Variants in PLCZ1 observed in about 807,000 individuals in gnomAD.
PLCZ1 encodes 1-phosphatidylinositol 4,5-bisphosphate phosphodiesterase zeta-1.
Under a neutral mutation model 76.8 loss-of-function variants are expected in PLCZ1, and 64 were observed. That is an observed-to-expected ratio of 0.83 (90% CI 0.68 to 1.03). PLCZ1 has a LOEUF of 1.03. PLCZ1 is among the 50% of genes least tolerant of loss of function. The probability of loss-of-function intolerance (pLI) is 0.00; values close to 1 mark genes in which losing one functional copy is unlikely to be tolerated. For synonymous variants in PLCZ1, 248 were observed against 230.8 expected (o/e 1.07, Z -0.68); for missense variants, 751 against 713.7 (o/e 1.05, Z -0.60).
At chr12:18,723,622 T>C (rs1958583780) in intron 3 of PLCZ1, 80 bp from the exon 4 acceptor site, 1 of 1,063,644 alleles carries the variant, frequency 9.4e-7, no homozygotes, top group Non-Finnish European at 1.4e-6. Flanking sequence ...TTATGTAACA[T>C]GTAGTAATTT....
intron 14 of PLCZ1, chr12:18,683,542 A>G (rs1450333071): frequency 3.3e-6 from 5 of 1,505,688 alleles, no homozygotes; most frequent in Admixed American, 2.0e-5. Context: ...CACAGCTCAT[A>G]CTTCTCCTTC....
chr12:18,657,778 T>A, the PLCZ1 span, among the ~76,000 whole-genome samples: 6 of 152,042 alleles, frequency 3.9e-5, no homozygotes, highest in African/African-American at 1.2e-4. Context: ...CAACAAAAAA[T>A]TGTGAAGTGT....
At position 18,719,651 on chromosome 12, in the gene PLCZ1, A is replaced by G. The variant is rs73346953; in HGVS notation, c.368-19T>C. Reference sequence around the variant, plus strand: ...TTCCTAACTAAAAAAATAAAATAAAATAAGTTAAAAGGATGCAAAAATACC... The same window carrying G: ...TTCCTAACTAAAAAAATAAAATAAAGTAAGTTAAAAGGATGCAAAAATACC... On this transcript the variant is annotated intron_variant, in intron 4 of 14. Coordinates refer to ENST00000266505, the MANE Select transcript of PLCZ1 (RefSeq NM_033123.4). The G allele has an allele frequency of 3.6e-3, 5,480 of 1,535,118 alleles. 154 individuals carry two copies. In the African/African-American group the frequency reaches 0.066, roughly 19 times the overall value.
chr12:18,736,263 T>C lies in PLCZ1; in HGVS notation c.93A>G (p.Leu31=). The change falls in exon 3 of 15, where the codon TTA becomes TTG. Residue 31 remains leucine, a synonymous_variant. Coordinates refer to ENST00000266505, the MANE Select transcript of PLCZ1 (RefSeq NM_033123.4). ...LEKTQRLLEK[L]DIRCSYIHVK... ...CATGAATATAACTGCACCGAATATC[T>C]AATTTTTCAAGTAACCTCTGAGTTT... 2.5e-6 allele frequency: 4 copies of C among 1,612,854 alleles called. No homozygotes were observed. The highest frequency in any genetic ancestry group is 3.4e-6 in the Non-Finnish European group (4 of 1,179,214).
chr12:18,699,094 C>G (rs1592098649), intron 10 of PLCZ1, among the ~76,000 whole-genome samples: 1 of 152,086 alleles, frequency 6.6e-6, no homozygotes, highest in Admixed American at 6.6e-5. Context: ...GAATAACCAC[C>G]TCAGTTTTAG....
chr12:18,682,422 C>T (rs1188360362), downstream of PLCZ1, among the ~76,000 whole-genome samples: 2 of 151,966 alleles, frequency 1.3e-5, no homozygotes, highest in Non-Finnish European at 2.9e-5. Flanking sequence ...TACTATGCAA[C>T]AATGTGGTAG....
chr12:18,688,982 G>A (rs757626005), intron 12 of PLCZ1, among the ~76,000 whole-genome samples: 1 of 151,520 alleles, frequency 6.6e-6, no homozygotes, highest in Non-Finnish European at 1.5e-5. Flanking sequence ...AGGGAAGGAA[G>A]GAGGGAGAGA....
chr12:18,684,167 A>T lies in PLCZ1; in HGVS notation c.1704T>A (p.Leu568=). ...ATAGAAGTGGCAAAGTATATTGCCCAAGAAATTCATTTCCTGCTATTAAAC... is the reference window on the plus strand; with the variant it reads ...ATAGAAGTGGCAAAGTATATTGCCCTAGAAATTCATTTCCTGCTATTAAAC... ...GQGLIAGNEF[L]GQYTLPLLCM... is the part of the protein sequence containing the mutation. The change falls in exon 14 of 15, where the codon CTT becomes CTA. Residue 568 remains leucine (L), a synonymous_variant. Transcript: ENST00000266505. 6.2e-7 allele frequency: 1 copy of T among 1,612,162 alleles called. No individual in the cohort carries two copies. The highest frequency in any genetic ancestry group is 8.5e-7 in the Non-Finnish European group (1 of 1,178,866).
the PLCZ1 span, among the ~76,000 whole-genome samples, chr12:18,647,272 C>A: frequency 6.6e-6 from 1 of 151,464 alleles, no homozygotes; most frequent in Non-Finnish European, 1.5e-5. Flanking sequence ...GAGATGGGAA[C>A]CATAAAGACT....
Position 18,737,433 on chromosome 12 carries a change from C to T in PLCZ1, c.-62G>A, listed in dbSNP as rs756805319. On this transcript the variant is annotated 5_prime_UTR_variant, in exon 2 of 15. The change abolishes an upstream ATG in the 5' untranslated region. Transcript: ENST00000266505. Reference sequence around the variant, plus strand: ...GAAGTCTTTCCCCAGTAGGTGCTGTCATGGGTTCCAAATACAATTAACTCT... The same window carrying T: ...GAAGTCTTTCCCCAGTAGGTGCTGTTATGGGTTCCAAATACAATTAACTCT... The T allele has an allele frequency of 6.2e-7, 1 of 1,609,310 alleles. No individual in the cohort carries two copies. Among genetic ancestry groups the T allele is most frequent in the South Asian group, 1.1e-5 (1 of 90,952 alleles).
intron 3 of PLCZ1, among the ~76,000 whole-genome samples, chr12:18,724,315 A>C (rs570075008): frequency 1.6e-4 from 24 of 152,272 alleles, no homozygotes; most frequent in African/African-American, 5.5e-4. Context: ...CGACACAATG[A>C]AATTTTAGAC....
the PLCZ1 span, among the ~76,000 whole-genome samples, chr12:18,649,238 A>G: frequency 6.6e-6 from 1 of 152,128 alleles, no homozygotes; most frequent in Admixed American, 6.6e-5. Flanking sequence ...TAGAATCAGT[A>G]AAAAGAAACT....
intron 11 of PLCZ1, among the ~76,000 whole-genome samples, chr12:18,695,575 ACT>A (rs1256063133): frequency 6.6e-6 from 1 of 151,652 alleles, no homozygotes; most frequent in Non-Finnish European, 1.5e-5. Flanking sequence ...AGAGTACCAC[ACT>A]CCACCCTCCA....
Position 18,699,832 on chromosome 12 carries a change from A to C in PLCZ1, c.1136T>G (p.Ile379Ser). ...AAGTTTTCGGGCTTGTGTCTCCCCA[A>C]TAGAATTATTTTCATTAAATTGCTG... ...LYQQFNENNS[I>S]GETQARKLSK... is the part of the protein sequence containing the mutation. Residue 379 changes from isoleucine (I) to serine (S), a missense_variant, in exon 10 of 15, where the codon ATT (isoleucine) becomes AGT (serine). Coordinates refer to ENST00000266505, the MANE Select transcript of PLCZ1 (RefSeq NM_033123.4). The C allele has an allele frequency of 6.2e-7, 1 of 1,613,568 alleles. No individual in the cohort carries two copies. The highest frequency in any genetic ancestry group is 1.3e-5 in the African/African-American group (1 of 75,020).
intron 3 of PLCZ1, among the ~76,000 whole-genome samples, chr12:18,727,546 A>G (rs933154853): frequency 6.6e-6 from 1 of 152,164 alleles, no homozygotes; most frequent in African/African-American, 2.4e-5. Flanking sequence ...TGTTAAGATC[A>G]GAGCAAATGA....
intron 13 of PLCZ1, among the ~76,000 whole-genome samples, chr12:18,686,151 C>T (rs532713420): frequency 2.4e-4 from 37 of 152,046 alleles, no homozygotes; most frequent in African/African-American, 6.7e-4. Flanking sequence ...CCTACTGCCA[C>T]GGCCTCCTTT....
chr12:18,725,854 A>G (rs1958722169), intron 3 of PLCZ1, among the ~76,000 whole-genome samples: 1 of 152,080 alleles, frequency 6.6e-6, no homozygotes, highest in South Asian at 2.1e-4. Context: ...TCCTTGAAAA[A>G]GTGTCACCCA....
chr12:18,736,400 A>T, intron 2 of PLCZ1, 56 bp from the exon 3 acceptor site: 2 of 1,549,412 alleles, frequency 1.3e-6, no homozygotes, highest in South Asian at 2.3e-5. Flanking sequence ...AATATTTAAA[A>T]TTCCTAAAGA....
At chr12:18,650,694 G>A in the PLCZ1 span, among the ~76,000 whole-genome samples, 1 of 38,864 alleles carries the variant, frequency 2.6e-5, no homozygotes, top group African/African-American at 1.6e-4. Context: ...GTGTGTGTGT[G>A]TGTGTGTGTG....
Sources: allele counts gnomAD v4.1 joint callset (sites outside exome capture counted in the v4.1 genomes callset), GRCh38; gene constraint gnomAD v4.1.1; transcripts MANE v1.5; gene names NCBI Gene and HGNC (gene_info 2026-07-23, HGNC 2026-07-21).